Variants in HMGN5 observed in about 807,000 individuals in gnomAD.
HMGN5 encodes high mobility group nucleosome-binding domain-containing protein 5.
A neutral mutation model predicts 9.5 loss-of-function variants in HMGN5; 4 were observed. That is an observed-to-expected ratio of 0.42 (90% CI 0.21 to 0.96). The LOEUF is 0.96. HMGN5 is among the 40% of genes least tolerant of loss of function. The pLI is 0.30. For synonymous variants in HMGN5, 55 were observed against 57.1 expected, an observed-to-expected ratio of 0.96 and a Z score of 0.16; for missense variants, 192 against 187.5, an observed-to-expected ratio of 1.02 and a Z score of -0.14.
At chrX:81,190,662 T>G (rs897902991) in intron 1 of HMGN5, among the ~76,000 whole-genome samples, 1 of 112,098 alleles carries the variant, frequency 8.9e-6, no homozygotes, top group Admixed American at 9.5e-5. Context: ...CTGAGTCACC[T>G]AGATTTTCTC....
At chrX:81,125,616 A>G (rs867041208) in intron 1 of HMGN5, among the ~76,000 whole-genome samples, 18 of 112,037 alleles carry the variant, frequency 1.6e-4, no homozygotes, top group South Asian at 7.4e-4. Flanking sequence ...TCCAGTGGTA[A>G]AAGTAAATTG....
At chrX:81,191,246 C>T (rs773110246) in intron 1 of HMGN5, among the ~76,000 whole-genome samples, 1 of 111,221 alleles carries the variant, frequency 9.0e-6, no homozygotes, top group South Asian at 3.7e-4. Flanking sequence ...TATTCCCTTC[C>T]AAAAATTATA....
At chrX:81,117,106 T>C (rs937949330) in intron 5 of HMGN5, among the ~76,000 whole-genome samples, 9 of 111,084 alleles carry the variant, frequency 8.1e-5, no homozygotes, top group Non-Finnish European at 1.5e-4. Flanking sequence ...AGAAAACACA[T>C]GAAAAAAATG....
chrX:81,187,637 T>A (rs2075481314), intron 1 of HMGN5, among the ~76,000 whole-genome samples: 1 of 111,937 alleles, frequency 8.9e-6, no homozygotes, highest in Non-Finnish European at 1.9e-5. Flanking sequence ...TAATTGGGTA[T>A]TTTTTAAATC....
chrX:81,146,934 C>A (rs1230423841), intron 1 of HMGN5, among the ~76,000 whole-genome samples: 1 of 111,582 alleles, frequency 9.0e-6, no homozygotes, highest in African/African-American at 3.3e-5. Context: ...TACACCCTCC[C>A]AAGACTAAAC....
At chrX:81,160,081 G>C (rs2075394275) in intron 1 of HMGN5, among the ~76,000 whole-genome samples, 1 of 111,699 alleles carries the variant, frequency 9.0e-6, no homozygotes, top group African/African-American at 3.3e-5. Flanking sequence ...TTGTGATGTT[G>C]TTGTAGATGA....
In HMGN5 at chrX:81,119,897, A is replaced by G; in HGVS notation, c.16-80T>C. ...TCAGAAAATACTGCCTGCGGATTAC[A>G]AATTTCAATATAATTGCTTATTACT... On this transcript the variant is annotated intron_variant, in intron 2 of 6. Transcript: ENST00000358130. The G allele has an allele frequency of 7.0e-6, 6 of 853,985 alleles. No individual in the cohort carries two copies. The South Asian group carries it at 1.1e-4, about 16-fold the overall frequency. 70.4% of individuals were successfully genotyped at this position (853,985 alleles called of 1,213,427 possible). A position where few individuals can be genotyped will look rare whatever the true frequency, so the allele number is the denominator to read the frequency against.
chrX:81,135,252 A>C (rs2075308038), intron 1 of HMGN5, among the ~76,000 whole-genome samples: 1 of 111,886 alleles, frequency 8.9e-6, no homozygotes, highest in Non-Finnish European at 1.9e-5. Flanking sequence ...AGAATATATA[A>C]AGAACTCTCA....
chrX:81,193,893 G>C (rs1293046516), intron 1 of HMGN5, among the ~76,000 whole-genome samples: 1 of 111,660 alleles, frequency 9.0e-6, no homozygotes, highest in African/African-American at 3.3e-5. Flanking sequence ...GAAGACCAAA[G>C]TAGGAGAATT....
chrX:81,157,442 T>C (rs1463636397), intron 1 of HMGN5, among the ~76,000 whole-genome samples: 4 of 112,115 alleles, frequency 3.6e-5, no homozygotes, highest in African/African-American at 3.2e-5. Flanking sequence ...TAGAGATCTA[T>C]AACAGTTGTT....
chrX:81,149,481 C>G (rs191129603), intron 1 of HMGN5, among the ~76,000 whole-genome samples: 1 of 111,146 alleles, frequency 9.0e-6, no homozygotes, highest in Non-Finnish European at 1.9e-5. Flanking sequence ...GGGTGGGGAG[C>G]GCTAGGGAAG....
At chrX:81,182,820 G>A (rs1254626821) in intron 1 of HMGN5, among the ~76,000 whole-genome samples, 1 of 112,287 alleles carries the variant, frequency 8.9e-6, no homozygotes, top group Non-Finnish European at 1.9e-5. Context: ...ATCAAGGAGT[G>A]TGGCATTGCT....
chrX:81,196,144 C>T (rs751629555), intron 1 of HMGN5, among the ~76,000 whole-genome samples: 1 of 111,269 alleles, frequency 9.0e-6, no homozygotes, highest in South Asian at 3.9e-4. Context: ...ACAGTATATC[C>T]TCCAATGTGC....
intron 1 of HMGN5, among the ~76,000 whole-genome samples, chrX:81,136,534 T>C (rs1418536278): frequency 2.7e-5 from 3 of 111,263 alleles, no homozygotes; most frequent in African/African-American, 9.8e-5. Context: ...CTATGAAAAC[T>C]ATACAAAATA....
chrX:81,121,487 T>TA, intron 2 of HMGN5, 48 bp downstream of exon 2: 1 of 1,150,375 alleles, frequency 8.7e-7, no homozygotes, highest in Non-Finnish European at 1.2e-6. Context: ...TATTAGGAAA[T>TA]AGGTAACTCA....
chrX:81,130,729 C>A (rs1244403513), intron 1 of HMGN5, among the ~76,000 whole-genome samples: 4 of 110,192 alleles, frequency 3.6e-5, no homozygotes, highest in Admixed American at 9.8e-5. Flanking sequence ...TTATCCTGAC[C>A]ACAGTTGTAA....
At chrX:81,151,672 T>C (rs1325951207) in intron 1 of HMGN5, among the ~76,000 whole-genome samples, 4 of 111,561 alleles carry the variant, frequency 3.6e-5, no homozygotes, top group Non-Finnish European at 7.5e-5. Flanking sequence ...ACGTCCCTTG[T>C]AAGTTGGATT....
intron 1 of HMGN5, among the ~76,000 whole-genome samples, chrX:81,153,550 CCT>C (rs775237001): frequency 0.012 from 52 of 4,479 alleles, no homozygotes; most frequent in Non-Finnish European, 0.017. Flanking sequence ...CGAAACTCTG[CCT>C]CTCTCTCTCT....
At chrX:81,146,749 A>T (rs2075345330) in intron 1 of HMGN5, among the ~76,000 whole-genome samples, 1 of 111,851 alleles carries the variant, frequency 8.9e-6, no homozygotes, top group Non-Finnish European at 1.9e-5. Flanking sequence ...ATAGACTGCT[A>T]GTCAGACTAA....
Sources: allele counts gnomAD v4.1 joint callset (sites outside exome capture counted in the v4.1 genomes callset), GRCh38; gene constraint gnomAD v4.1.1; transcripts MANE v1.5; gene names NCBI Gene and HGNC (gene_info 2026-07-23, HGNC 2026-07-21).